ACOX2: variants seen among roughly 807,000 people sequenced by gnomAD.
The protein encoded by ACOX2 is peroxisomal acyl-coenzyme A oxidase 2.
ACOX2 carries 59 observed loss-of-function variants against 77.5 expected under a neutral mutation model. The ratio of observed to expected loss-of-function variants is 0.76; its 90% CI spans 0.62 to 0.95. ACOX2 has a LOEUF of 0.95. ACOX2 is among the 40% of genes least tolerant of loss of function. The pLI, the probability that ACOX2 is intolerant of heterozygous loss-of-function variation, is 0.00. For synonymous variants in ACOX2, 317 were observed against 340.1 expected, an observed-to-expected ratio of 0.93 and a Z score of 0.75; for missense variants, 837 against 880.4, an observed-to-expected ratio of 0.95 and a Z score of 0.62.
At position 58,526,565 on chromosome 3, in the gene ACOX2, C is replaced by A. The variant is rs2063396520; in HGVS notation, c.1247G>T (p.Gly416Val). 1 of 1,614,082 alleles carries A rather than the reference C, an allele frequency of 6.2e-7. No individual in the cohort carries two copies. Among genetic ancestry groups the A allele is most frequent in the East Asian group, 2.2e-5 (1 of 44,892 alleles). Residue 416 changes from glycine to valine, a missense_variant, in exon 10 of 15, where the codon GGC (glycine) becomes GTC (valine). By Grantham distance (109) the Gly-to-Val change is moderately radical. Coordinates refer to ENST00000302819, the MANE Select transcript of ACOX2 (RefSeq NM_003500.4). This position sits in a 1 kb window ranked among gnomAD's most constrained non-coding sequence, Gnocchi z 4.3. ...TGGCAGGCCACTCAGCTTTGAGTAG[C>A]CATGTCCGCCACAGGCCCTGCGGCA... The part of the protein sequence containing the change: ...EMCRRACGGH[G>V]YSKLSGLPSL...
In ACOX2 at chr3:58,534,365, A is replaced by G; in HGVS notation, c.318T>C (p.Ala106=). The G allele has an allele frequency of 6.2e-7, 1 of 1,614,196 alleles. No individual in the cohort carries two copies. The highest frequency in any genetic ancestry group is 8.5e-7 in the Non-Finnish European group (1 of 1,180,026). ...GCTGCTCGAGGAGTGAGCACCTGTA[A>G]GCGTAGCCTAATTCACGACCATCTT... The part of the protein sequence containing the change: ...WLEDGRELGY[A]YRALSGDVAL... Residue 106 remains alanine (A), a synonymous_variant, in exon 3 of 15, where the codon GCT becomes GCC. Coordinates refer to ENST00000302819, the MANE Select transcript of ACOX2 (RefSeq NM_003500.4). This position sits in a 1 kb window ranked among gnomAD's most constrained non-coding sequence, Gnocchi z 4.8.
In ACOX2 at chr3:58,534,387, T is replaced by A. The variant is rs1324766252; in HGVS notation, c.296A>T (p.Asp99Val). The A allele has an allele frequency of 1.1e-5, 17 of 1,614,168 alleles. No individual in the cohort carries two copies. Among genetic ancestry groups the A allele is most frequent in the Non-Finnish European group, 1.4e-5 (16 of 1,180,020 alleles). Residue 99 changes from aspartate (D) to valine (V), a missense_variant, in exon 3 of 15, where the codon GAT becomes GTT. Coordinates refer to ENST00000302819, the MANE Select transcript of ACOX2 (RefSeq NM_003500.4). The surrounding 1 kb of genome is among the most constrained non-coding windows in gnomAD (Gnocchi z 4.8). ...LIARRLGWLEDGRELGYAYRA... is the reference protein window; with the variant it reads ...LIARRLGWLEVGRELGYAYRA... ...GTAAGCGTAGCCTAATTCACGACCA[T>A]CTTCTAACCAACCCAGGCGCCGAGC...
In ACOX2 at chr3:58,528,199, G is replaced by A. The variant is rs1040947253; in HGVS notation, c.1155+595C>T. On this transcript the variant is annotated intron_variant, in intron 9 of 14. Transcript: ENST00000302819. The surrounding 1 kb of genome is among the most constrained non-coding windows in gnomAD (Gnocchi z 5.6). ...TCTGTGCCTCATTGCAGTTGGAAGG[G>A]TTAATGAGCAGTGCTTATAAAGCAT... Among the ~76,000 whole-genome samples, 5 of 152,172 alleles carry A rather than the reference G, an allele frequency of 3.3e-5. No individual in the cohort carries two copies. The highest frequency in any genetic ancestry group is 5.9e-5 in the Non-Finnish European group (4 of 68,038).
chr3:58,508,864 A>G (rs2063253851), intron 14 of ACOX2, 29 bp downstream of exon 14: 10 of 1,609,946 alleles, frequency 6.2e-6, no homozygotes, highest in South Asian at 1.1e-5. Context: ...GCTTTCTTAC[A>G]TAATTTATAA....
At position 58,505,239 on chromosome 3, in the gene ACOX2, C is replaced by T. The variant is rs1390679834; in HGVS notation, c.2031G>A (p.Trp677Ter). The stretch of plus-strand genomic sequence containing the variant: ...GTTGGTTATTTCATAGCTTGGATCT[C>T]CAACTTTGTAAAAGTGGTCTTATAT... ...EEYIRPLLQS[W>*]RSKL The change falls in exon 15 of 15, where the codon TGG (tryptophan) becomes TGA (stop). Residue 677 changes from tryptophan to a stop codon, truncating the protein, a stop_gained. Coordinates refer to ENST00000302819, the MANE Select transcript of ACOX2 (RefSeq NM_003500.4). LOFTEE classifies it high-confidence loss of function. This position sits in a 1 kb window ranked among gnomAD's most constrained non-coding sequence, Gnocchi z 4.4. 1.9e-6 allele frequency: 3 copies of T among 1,612,994 alleles called. No homozygotes were observed. Among genetic ancestry groups the T allele is most frequent in the Non-Finnish European group, 2.5e-6 (3 of 1,179,598 alleles).
rs1233422821 is a variant in ACOX2, at chr3:58,521,748, CCTT to C, written c.1632+745_1632+747del. On this transcript the variant is annotated intron_variant, in intron 12 of 14. Coordinates refer to ENST00000302819, the MANE Select transcript of ACOX2 (RefSeq NM_003500.4). The surrounding 1 kb of genome is among the most constrained non-coding windows in gnomAD (Gnocchi z 4.8). ...AAGGTCAGAGGCCTTGCCTGTCTCT[CCTT>C]CTCCCCTAGTCTCAGTCCTTCTCCT... Among the ~76,000 whole-genome samples the C allele has an allele frequency of 1.3e-5, 2 of 152,204 alleles. No individual in the cohort carries two copies. Among genetic ancestry groups the C allele is most frequent in the African/African-American group, 2.4e-5 (1 of 41,446 alleles).
Position 58,530,633 on chromosome 3 carries a change from C to A in ACOX2, c.825G>T (p.Leu275Phe). 1.9e-6 allele frequency: 3 copies of A among 1,613,860 alleles called. No homozygotes were observed. Among genetic ancestry groups the A allele is most frequent in the Non-Finnish European group, 2.5e-6 (3 of 1,179,838 alleles). ...ENMLSRFAQV[L>F]PDGTYVKLGT... ...CGAGTTTGACGTAGGTGCCATCTGGCAAGACCTGTGTGGAACAAGGACGGG... is the reference window on the plus strand; with the variant it reads ...CGAGTTTGACGTAGGTGCCATCTGGAAAGACCTGTGTGGAACAAGGACGGG... Residue 275 changes from leucine (L) to phenylalanine (F), a missense_variant, in exon 8 of 15, where the codon TTG becomes TTT. By Grantham distance (22) the Leu-to-Phe change is conservative (BLOSUM62 0). Transcript: ENST00000302819.
At position 58,522,215 on chromosome 3, in the gene ACOX2, A is replaced by T. The variant is rs908371834; in HGVS notation, c.1632+281T>A. Reference sequence around the variant, plus strand: ...GGATTGCCTGTGGGGCTAAGGGGAGACTTGACCTGCTTTTCTATCTGGGAG... The same window carrying T: ...GGATTGCCTGTGGGGCTAAGGGGAGTCTTGACCTGCTTTTCTATCTGGGAG... On this transcript the variant is annotated intron_variant, in intron 12 of 14. Transcript: ENST00000302819. This position sits in a 1 kb window ranked among gnomAD's most constrained non-coding sequence, Gnocchi z 4.3. Among the ~76,000 whole-genome samples the T allele has an allele frequency of 1.3e-5, 2 of 152,220 alleles. No individual in the cohort carries two copies. Among genetic ancestry groups the T allele is most frequent in the African/African-American group, 4.8e-5 (2 of 41,452 alleles).
chr3:58,534,036 T>G lies in ACOX2; in HGVS notation c.433A>C (p.Ile145Leu). ...IAKWDPLCKN[I>L]QIIATYAQTE... is the part of the protein sequence containing the mutation. The stretch of plus-strand genomic sequence containing the variant: ...TGTGCATACGTTGCGATGATCTGGA[T>G]GTTTTTGCAGAGTGGGTCCCATTTG... Residue 145 changes from isoleucine (I) to leucine (L), a missense_variant, in exon 4 of 15, where the codon ATC becomes CTC. By Grantham distance (5) the Ile-to-Leu change is conservative. Transcript: ENST00000302819. The surrounding 1 kb of genome is among the most constrained non-coding windows in gnomAD (Gnocchi z 4.8). 6.2e-7 allele frequency: 1 copy of G among 1,614,180 alleles called. No individual in the cohort carries two copies. The highest frequency in any genetic ancestry group is 8.5e-7 in the Non-Finnish European group (1 of 1,180,032).
In ACOX2 at chr3:58,524,669, C is replaced by T; in HGVS notation, c.1347-64G>A. 2 of 1,525,154 alleles carry T rather than the reference C, an allele frequency of 1.3e-6. No individual in the cohort carries two copies. Among genetic ancestry groups the T allele is most frequent in the Non-Finnish European group, 1.8e-6 (2 of 1,118,190 alleles). The allele number at this position is 1,525,154 out of a possible 1,614,324, so 94.5% of individuals were successfully genotyped here. On this transcript the variant is annotated intron_variant, in intron 10 of 14. Coordinates refer to ENST00000302819, the MANE Select transcript of ACOX2 (RefSeq NM_003500.4). This position sits in a 1 kb window ranked among gnomAD's most constrained non-coding sequence, Gnocchi z 5.5. ...CTCTGTGAGACAGCCCAGCACCCCT[C>T]ACTCCCAGAGACAGGCAAGCTCATG...
At position 58,524,082 on chromosome 3, in the gene ACOX2, G is replaced by A. The variant is rs182454824; in HGVS notation, c.1526+344C>T. ...CGAGTGAGTATTGCTTTATTTATTGGTATTTGCATATCAATACATTTGGAG... is the reference window on the plus strand; with the variant it reads ...CGAGTGAGTATTGCTTTATTTATTGATATTTGCATATCAATACATTTGGAG... On this transcript the variant is annotated intron_variant, in intron 11 of 14. Coordinates refer to ENST00000302819, the MANE Select transcript of ACOX2 (RefSeq NM_003500.4). The surrounding 1 kb of genome is among the most constrained non-coding windows in gnomAD (Gnocchi z 5.5). Among the ~76,000 whole-genome samples the A allele has an allele frequency of 6.6e-6, 1 of 152,126 alleles. No individual in the cohort carries two copies. The highest frequency in any genetic ancestry group is 1.5e-5 in the Non-Finnish European group (1 of 68,020).
Position 58,535,018 on chromosome 3 carries a change from G to T in ACOX2, c.89C>A (p.Ser30Tyr), listed in dbSNP as rs1305093617. ...PDIESERYMQSFDVERLTNIL... is the reference protein window; with the variant it reads ...PDIESERYMQYFDVERLTNIL... The stretch of plus-strand genomic sequence containing the variant: ...GTTGGTGAGCCGTTCCACGTCAAAG[G>T]ACTGCATATACCTCTCGCTCTCTAT... The change falls in exon 2 of 15, where the codon TCC becomes TAC. Residue 30 changes from serine to tyrosine, a missense_variant. Coordinates refer to ENST00000302819, the MANE Select transcript of ACOX2 (RefSeq NM_003500.4). The surrounding 1 kb of genome is among the most constrained non-coding windows in gnomAD (Gnocchi z 4.8). The T allele has an allele frequency of 6.2e-7, 1 of 1,614,178 alleles. No homozygotes were observed.
At position 58,531,284 on chromosome 3, in the gene ACOX2, G is replaced by A. The variant is rs767363243; in HGVS notation, c.786C>T (p.Val262=). 1.2e-6 allele frequency: 2 copies of A among 1,613,360 alleles called. No homozygotes were observed. The highest frequency in any genetic ancestry group is 4.5e-5 in the East Asian group (2 of 44,862). The change falls in exon 7 of 15, where the codon GTC becomes GTT. Residue 262 remains valine, a synonymous_variant. Transcript: ENST00000302819. The surrounding 1 kb of genome is among the most constrained non-coding windows in gnomAD (Gnocchi z 5.8). ...NGFLQLNHVR[V]PRENMLSRFA... is the part of the protein sequence containing the mutation. ...AGCGACTCAGCATGTTCTCCCTGGG[G>A]ACCCGCACATGGTTCAGCTGCAGGA...
At position 58,517,315 on chromosome 3, in the gene ACOX2, TG is replaced by T; in HGVS notation, c.1740del (p.Ile581TyrfsTer5). On this transcript the variant is annotated frameshift_variant, in exon 13 of 15. Coordinates refer to ENST00000302819, the MANE Select transcript of ACOX2 (RefSeq NM_003500.4). LOFTEE classifies it high-confidence loss of function. ...QVLKRLCDLHAIHGILTNSGD... is the reference protein window; with the variant it reads ...QVLKRLCDLHXIHGILTNSGD... Reference sequence around the variant, plus strand: ...CCCGAGTTAGTCAAGATTCCATGTATGGCATGGAGGTCACAGAGGCGCTTGA... The same window carrying T: ...CCCGAGTTAGTCAAGATTCCATGTATGCATGGAGGTCACAGAGGCGCTTGA... 6.2e-7 allele frequency: 1 copy of T among 1,614,056 alleles called. No individual in the cohort carries two copies. Among genetic ancestry groups the T allele is most frequent in the South Asian group, 1.1e-5 (1 of 91,084 alleles).
At position 58,533,402 on chromosome 3, in the gene ACOX2, C is replaced by A. The variant is rs1469804563; in HGVS notation, c.583+43G>T. On this transcript the variant is annotated intron_variant, in intron 5 of 14. Coordinates refer to ENST00000302819, the MANE Select transcript of ACOX2 (RefSeq NM_003500.4). This position sits in a 1 kb window ranked among gnomAD's most constrained non-coding sequence, Gnocchi z 5.6. The stretch of plus-strand genomic sequence containing the variant: ...TGCTACTCTGCCCTCCAACATTCTT[C>A]TACTTGGGGAGAGTTAAGGAAGGGG... 4 of 1,555,522 alleles carry A rather than the reference C, an allele frequency of 2.6e-6. No homozygotes were observed. Among genetic ancestry groups the A allele is most frequent in the Non-Finnish European group, 3.5e-6 (4 of 1,128,580 alleles).
chr3:58,531,597 C>T lies in ACOX2; in HGVS notation c.703+96G>A, dbSNP rs1486568659. On this transcript the variant is annotated intron_variant, in intron 6 of 14. Transcript: ENST00000302819. The surrounding 1 kb of genome is among the most constrained non-coding windows in gnomAD (Gnocchi z 5.8). ...CGCTCCCTGCCCAAGGGAGACATGT[C>T]TTAGCTACTCCTGTGGCCCTCTGGG... The T allele has an allele frequency of 6.5e-7, 1 of 1,532,242 alleles. No homozygotes were observed. Among genetic ancestry groups the T allele is most frequent in the Non-Finnish European group, 8.8e-7 (1 of 1,134,950 alleles). 94.9% of individuals were successfully genotyped at this position (1,532,242 alleles called of 1,614,324 possible). A position where few individuals can be genotyped will look rare whatever the true frequency, so the allele number is the denominator to read the frequency against.
intron 12 of ACOX2, among the ~76,000 whole-genome samples, chr3:58,518,562 T>G (rs964128123): frequency 6.6e-6 from 1 of 152,176 alleles, no homozygotes; most frequent in African/African-American, 2.4e-5. Context: ...GCACACACAA[T>G]TATTTTGTCA....
At position 58,526,586 on chromosome 3, in the gene ACOX2, C is replaced by T. The variant is rs746437214; in HGVS notation, c.1226G>A (p.Arg409His). The T allele has an allele frequency of 5.1e-5, 83 of 1,614,202 alleles. No homozygotes were observed. In the East Asian group the frequency reaches 1.1e-3, roughly 21 times the overall value. Residue 409 changes from arginine to histidine, a missense_variant, in exon 10 of 15, where the codon CGC becomes CAC. Transcript: ENST00000302819. This position sits in a 1 kb window ranked among gnomAD's most constrained non-coding sequence, Gnocchi z 4.3. ...GTAGCCATGTCCGCCACAGGCCCTGCGGCACATCTCAGCTCCCTGGGTGCA... is the reference window on the plus strand; with the variant it reads ...GTAGCCATGTCCGCCACAGGCCCTGTGGCACATCTCAGCTCCCTGGGTGCA... ...EFCTQGAEMC[R>H]RACGGHGYSK...
intron 5 of ACOX2, among the ~76,000 whole-genome samples, chr3:58,532,331 C>T (rs960888170): frequency 6.6e-6 from 1 of 151,850 alleles, no homozygotes; most frequent in Non-Finnish European, 1.5e-5. Flanking sequence ...TTCTCTCTCT[C>T]TTTCTGTCAT....
Sources: allele counts gnomAD v4.1 joint callset (sites outside exome capture counted in the v4.1 genomes callset), GRCh38; gene constraint gnomAD v4.1.1; non-coding constraint Gnocchi (gnomAD v3.1); transcripts MANE v1.5; gene names NCBI Gene and HGNC (gene_info 2026-07-23, HGNC 2026-07-21).